CSMD1: variants seen among roughly 807,000 people sequenced by gnomAD.
CSMD1 encodes CUB and sushi domain-containing protein 1.
A neutral mutation model predicts 417.5 loss-of-function variants in CSMD1; 213 were observed. The observed-to-expected ratio is 0.51, with a 90% confidence interval of 0.46 to 0.57. CSMD1 has a LOEUF of 0.57. CSMD1 is among the 20% of genes least tolerant of loss of function. The pLI, the probability that CSMD1 is intolerant of heterozygous loss-of-function variation, is 0.00. For missense variants in CSMD1, 6,923 were observed against 4,529.7 expected, an observed-to-expected ratio of 1.53 and a Z score of -15.17; for synonymous variants, 2,862 against 1,736.8, an observed-to-expected ratio of 1.65 and a Z score of -16.11.
At chr8:3,928,683 A>T (rs1053638902) in intron 5 of CSMD1, among the ~76,000 whole-genome samples, 7 of 148,012 alleles carry the variant, frequency 4.7e-5, no homozygotes, top group African/African-American at 1.8e-4. Context: ...ATTTTTTTTT[A>T]AATTGCTCCT....
At chr8:3,860,029 T>C (rs950760518) in intron 5 of CSMD1, among the ~76,000 whole-genome samples, 3 of 152,198 alleles carry the variant, frequency 2.0e-5, no homozygotes, top group African/African-American at 7.2e-5. Context: ...AGTAAGAATG[T>C]GCTTGTGGAG....
chr8:3,239,977 T>C (rs939653670), intron 26 of CSMD1, among the ~76,000 whole-genome samples: 21 of 151,450 alleles, frequency 1.4e-4, no homozygotes, highest in Non-Finnish European at 2.2e-4. Flanking sequence ...AGAAAGTATA[T>C]GTGTCAAGTG....
chr8:4,454,033 G>A (rs7834629), intron 2 of CSMD1, among the ~76,000 whole-genome samples: 61,620 of 151,148 alleles, frequency 0.41, 14,173 homozygotes, highest in Non-Finnish European at 0.52. Flanking sequence ...CGTGTTAGCC[G>A]GGATGGTCTC....
chr8:3,954,574 G>A (rs1811810427), intron 5 of CSMD1, among the ~76,000 whole-genome samples: 1 of 152,148 alleles, frequency 6.6e-6, no homozygotes, highest in South Asian at 2.1e-4. Context: ...TCACCGTGTT[G>A]CTCAGGCTGG....
At chr8:3,635,927 C>G (rs546964598) in intron 7 of CSMD1, among the ~76,000 whole-genome samples, 1 of 151,718 alleles carries the variant, frequency 6.6e-6, no homozygotes, top group South Asian at 2.1e-4. Flanking sequence ...TGTAAGCTGA[C>G]TTAGTTTACT....
intron 2 of CSMD1, among the ~76,000 whole-genome samples, chr8:4,549,261 A>G (rs1317487569): frequency 6.6e-6 from 1 of 152,204 alleles, no homozygotes; most frequent in East Asian, 1.9e-4. Flanking sequence ...TGCCAAAGAA[A>G]TTATAACGGA....
intron 3 of CSMD1, among the ~76,000 whole-genome samples, chr8:4,285,043 G>A (rs774146458): frequency 2.6e-4 from 40 of 152,100 alleles, no homozygotes; most frequent in Non-Finnish European, 4.9e-4. Context: ...TAAAACTGTT[G>A]TAAGCATAAC....
At chr8:4,594,374 A>G (rs900848578) in intron 2 of CSMD1, among the ~76,000 whole-genome samples, 1 of 151,392 alleles carries the variant, frequency 6.6e-6, no homozygotes, top group Non-Finnish European at 1.5e-5. Flanking sequence ...TAATTTTTGT[A>G]TTATTAGTAG....
chr8:3,744,282 G>C (rs1796958529), intron 6 of CSMD1, among the ~76,000 whole-genome samples: 1 of 152,176 alleles, frequency 6.6e-6, no homozygotes, highest in South Asian at 2.1e-4. Context: ...AGATGAGTTT[G>C]AAAAGGCGGA....
intron 52 of CSMD1, among the ~76,000 whole-genome samples, chr8:3,000,527 G>A (rs891874671): frequency 1.4e-4 from 22 of 152,226 alleles, no homozygotes; most frequent in Non-Finnish European, 2.1e-4. Context: ...GGGTAGTAAG[G>A]AGATCGGTGA....
At chr8:3,314,816 T>C (rs182624217) in intron 23 of CSMD1, among the ~76,000 whole-genome samples, 2 of 152,252 alleles carry the variant, frequency 1.3e-5, no homozygotes, top group Admixed American at 6.5e-5. Flanking sequence ...GGATTAGTTC[T>C]TATCTTCCAA....
chr8:4,175,682 C>T (rs1438586551), intron 3 of CSMD1, among the ~76,000 whole-genome samples: 2 of 152,108 alleles, frequency 1.3e-5, no homozygotes, highest in Non-Finnish European at 2.9e-5. Context: ...ACTACATATA[C>T]ATAATGTCCT....
At chr8:3,784,299 T>G (rs1481317642) in intron 5 of CSMD1, among the ~76,000 whole-genome samples, 1 of 152,168 alleles carries the variant, frequency 6.6e-6, no homozygotes, top group Non-Finnish European at 1.5e-5. Flanking sequence ...TAAATAATAT[T>G]AAATATATAC....
chr8:4,611,101 C>T (rs1448454542), intron 2 of CSMD1, among the ~76,000 whole-genome samples: 1 of 152,024 alleles, frequency 6.6e-6, no homozygotes, highest in Non-Finnish European at 1.5e-5. Context: ...TTGCCTACTG[C>T]ACTCTTCTCC....
At chr8:4,460,245 G>C (rs1029500969) in intron 2 of CSMD1, among the ~76,000 whole-genome samples, 15 of 151,870 alleles carry the variant, frequency 9.9e-5, no homozygotes, top group Non-Finnish European at 1.5e-4. Context: ...AAAACCCAAA[G>C]GAGTTAAAGA....
intron 1 of CSMD1, among the ~76,000 whole-genome samples, chr8:4,896,681 G>T (rs764368493): frequency 6.6e-6 from 1 of 152,102 alleles, no homozygotes; most frequent in African/African-American, 2.4e-5. Context: ...GGGAAGGATT[G>T]CATACGTGCT....
rs1176344717 is a variant in CSMD1 at position 3,493,547 on chromosome 8, T to G, written c.1448+76A>C. The stretch of plus-strand genomic sequence containing the variant: ...CACCTGAGGCCGAATTACAAGCCTG[T>G]AGCAGAATCTCATCTCCACCCACCG... On this transcript the variant is annotated intron_variant, in intron 11 of 69. Coordinates refer to ENST00000635120, the MANE Select transcript of CSMD1 (RefSeq NM_033225.6). The G allele has an allele frequency of 4.8e-6, 6 of 1,242,832 alleles. No individual in the cohort carries two copies. The African/African-American group carries it at 8.9e-5, about 19-fold the overall frequency. The allele number at this position is 1,242,832 out of a possible 1,614,324, so 77.0% of individuals were successfully genotyped here.
intron 26 of CSMD1, among the ~76,000 whole-genome samples, chr8:3,233,207 G>T (rs1482654278): frequency 1.3e-5 from 2 of 152,046 alleles, no homozygotes; most frequent in Admixed American, 6.5e-5. Context: ...GTCATATTGG[G>T]AGGTGAGGCC....
intron 5 of CSMD1, among the ~76,000 whole-genome samples, chr8:3,967,356 G>A (rs1047810462): frequency 1.3e-5 from 2 of 151,804 alleles, no homozygotes; most frequent in African/African-American, 2.4e-5. Flanking sequence ...CCCTGAACTT[G>A]TAAACATGGA....
Sources: allele counts gnomAD v4.1 joint callset (sites outside exome capture counted in the v4.1 genomes callset), GRCh38; gene constraint gnomAD v4.1.1; transcripts MANE v1.5; gene names NCBI Gene and HGNC (gene_info 2026-07-23, HGNC 2026-07-21).